The following DIDO1 variants were observed in gnomAD, a reference collection of about 807,000 sequenced individuals.
The protein encoded by DIDO1 is death-inducer obliterator 1.
In DIDO1, 16 loss-of-function variants were observed where a neutral mutation model predicts 99.4. That is an observed-to-expected ratio of 0.16 (90% CI 0.11 to 0.24). The LOEUF is 0.24. Among genes scored for constraint, DIDO1 ranks in the 10% least tolerant of loss-of-function variants. The pLI is 1.00. For synonymous variants in DIDO1, 1,366 were observed against 1,239.1 expected (o/e 1.10, Z -2.15); for missense variants, 2,996 against 3,014.0 (o/e 0.99, Z 0.14).
At chr20:62,899,945 T>C (rs762805350) in intron 6 of DIDO1, among the ~76,000 whole-genome samples, 1 of 152,234 alleles carries the variant, frequency 6.6e-6, no homozygotes, top group African/African-American at 2.4e-5. Flanking sequence ...AGAAACTTTT[T>C]AGTGGAGCTA....
At chr20:62,927,431 T>C (rs1026878787), upstream of DIDO1, among the ~76,000 whole-genome samples, 1 of 152,146 alleles carries the variant, frequency 6.6e-6, no homozygotes, top group African/African-American at 2.4e-5. Context: ...TGTCCCCAGA[T>C]ACTGCAGGAA....
chr20:62,911,247 T>C lies in DIDO1; in HGVS notation c.366A>G (p.Arg122=), dbSNP rs566908959. ...EGSVESASET[R]SGPQSASTAV... is the part of the protein sequence containing the mutation. ...CTGTGGAAGCAGACTGGGGGCCGCT[T>C]CTGGTCTCAGAAGCGCTTTCCACGC... Residue 122 remains arginine, a synonymous_variant, in exon 3 of 16, where the codon AGA becomes AGG. Transcript: ENST00000395343. The surrounding 1 kb of genome is among the most constrained non-coding windows in gnomAD (Gnocchi z 7.0). The C allele has an allele frequency of 6.2e-7, 1 of 1,613,300 alleles. No individual in the cohort carries two copies. The highest frequency in any genetic ancestry group is 1.7e-5 in the Admixed American group (1 of 60,026).
intron 15 of DIDO1, 79 bp from the exon 16 acceptor site, chr20:62,882,493 T>A: frequency 7.4e-7 from 1 of 1,349,974 alleles, no homozygotes; most frequent in Non-Finnish European, 1.0e-6. Context: ...CATTAAGGGC[T>A]TTCACGGGGA....
At chr20:62,909,377 AGACAGCAG>A (rs2064875571) in intron 4 of DIDO1, among the ~76,000 whole-genome samples, 1 of 152,282 alleles carries the variant, frequency 6.6e-6, no homozygotes, top group Non-Finnish European at 1.5e-5. Context: ...AGGCAGCTGG[AGACAGCAG>A]GTGACACAGG....
intron 3 of DIDO1, among the ~76,000 whole-genome samples, 198 bp downstream of exon 3, chr20:62,910,576 G>A (rs904843959): frequency 1.3e-5 from 2 of 152,234 alleles, no homozygotes; most frequent in Non-Finnish European, 2.9e-5. Flanking sequence ...ACAGCCATGT[G>A]TGGCCAGTGG....
At chr20:62,929,692 A>AAAAATATATATATATATATAT, upstream of DIDO1, among the ~76,000 whole-genome samples, 2 of 63,708 alleles carry the variant, frequency 3.1e-5, no homozygotes, top group African/African-American at 7.6e-5. Flanking sequence ...AAAAAGAAAA[A>AAAAATATATATATATATATAT]GTGTATATAT....
chr20:62,879,480 CGGTCGCGGTTGG>C lies in DIDO1; in HGVS notation c.6464_6475del (p.Ala2155_Arg2159delinsGly), dbSNP rs1363643567. The C allele has an allele frequency of 6.3e-7, 1 of 1,584,134 alleles. No individual in the cohort carries two copies. Among genetic ancestry groups the C allele is most frequent in the Non-Finnish European group, 8.5e-7 (1 of 1,172,198 alleles). On this transcript the variant is annotated inframe_deletion, in exon 16 of 16. Transcript: ENST00000395343. This position sits in a 1 kb window ranked among gnomAD's most constrained non-coding sequence, Gnocchi z 6.3. ...CTTGCCCCGGTCGGCCTCGCGCTCT[CGGTCGCGGTTGG>C]CGCTCCTCTCCCGGTTTCTGTCCCA...
chr20:62,910,621 T>A (rs1009279009), intron 3 of DIDO1, among the ~76,000 whole-genome samples, 153 bp downstream of exon 3: 1 of 152,252 alleles, frequency 6.6e-6, no homozygotes, highest in Non-Finnish European at 1.5e-5. Flanking sequence ...AGGAAGTCCT[T>A]AGCCACTCTT....
In DIDO1 at chr20:62,894,791, A is replaced by C. The variant is rs1430352451; in HGVS notation, c.2436+19T>G. ...GATTAGTCTATTCTCGGTGAACACA[A>C]AATCTCCCAAATGCTTACCTCTGAA... On this transcript the variant is annotated intron_variant, in intron 10 of 15. Transcript: ENST00000395343. The surrounding 1 kb of genome is among the most constrained non-coding windows in gnomAD (Gnocchi z 4.4). 1 of 1,601,104 alleles carries C rather than the reference A, an allele frequency of 6.2e-7. No individual in the cohort carries two copies.
In DIDO1 at chr20:62,914,235, A is replaced by G. The variant is rs1184616741; in HGVS notation, c.-28T>C. 6.6e-6 allele frequency: 1 copy of G among 152,202 alleles called. No homozygotes were observed. Among genetic ancestry groups the G allele is most frequent in the Admixed American group, 6.5e-5 (1 of 15,278 alleles). The allele number at this position is 152,202 out of a possible 1,614,324, so 9.4% of individuals were successfully genotyped here. ...CTGCTCCAACACTGAAAGCTTGGAC[A>G]CTTTTCCCTGAAATCCTAAATACAA... On this transcript the variant is annotated 5_prime_UTR_variant, in exon 2 of 16. Coordinates refer to ENST00000395343, the MANE Select transcript of DIDO1 (RefSeq NM_001193369.2).
chr20:62,933,633 G>A (rs775937638), intron 1 of DIDO1, among the ~76,000 whole-genome samples: 5 of 152,224 alleles, frequency 3.3e-5, no homozygotes, highest in Admixed American at 2.0e-4. Flanking sequence ...ACTCTGGGAG[G>A]CTGAGGCAGG....
chr20:62,910,053 G>A (rs192628155), intron 3 of DIDO1, 33 bp from the exon 4 acceptor site: 7 of 1,583,766 alleles, frequency 4.4e-6, no homozygotes, highest in Non-Finnish European at 5.1e-6. Context: ...TTAGCAATGG[G>A]ACGTGAGTGA....
intron 6 of DIDO1, among the ~76,000 whole-genome samples, chr20:62,901,332 TCTCC>T (rs1276413988): frequency 6.6e-6 from 1 of 152,124 alleles, no homozygotes; most frequent in Non-Finnish European, 1.5e-5. Context: ...GGTGTGTAAT[TCTCC>T]CTAAGAAACT....
intron 15 of DIDO1, chr20:62,889,840 A>C: frequency 1.0e-6 from 1 of 985,456 alleles, no homozygotes; most frequent in Non-Finnish European, 1.2e-6. Context: ...CCACGCCAGC[A>C]AATATTTAAC....
At chr20:62,891,321 C>A (rs1040434479) in intron 14 of DIDO1, among the ~76,000 whole-genome samples, 166 bp from the exon 15 acceptor site, 1 of 152,206 alleles carries the variant, frequency 6.6e-6, no homozygotes, top group Non-Finnish European at 1.5e-5. Context: ...GACATGTGAG[C>A]CCAGCAGTGT....
intron 1 of DIDO1, among the ~76,000 whole-genome samples, chr20:62,918,994 C>T (rs76406324): frequency 1.1e-4 from 16 of 152,242 alleles, no homozygotes; most frequent in African/African-American, 3.9e-4. Flanking sequence ...TCCCCAAATG[C>T]GACGTGTTCT....
chr20:62,922,751 AG>A (rs2065179796), intron 1 of DIDO1, among the ~76,000 whole-genome samples: 1 of 152,242 alleles, frequency 6.6e-6, no homozygotes, highest in Non-Finnish European at 1.5e-5. Context: ...TTGGAGAGAA[AG>A]GCCCTCTTAG....
intron 13 of DIDO1, among the ~76,000 whole-genome samples, 187 bp from the exon 14 acceptor site, chr20:62,892,263 G>A (rs749632435): frequency 6.6e-5 from 10 of 152,144 alleles, no homozygotes; most frequent in Non-Finnish European, 7.3e-5. Context: ...AAGGGGGAGT[G>A]ATGCCAACCT....
At chr20:62,897,558 AG>A (rs1323036995) in intron 6 of DIDO1, among the ~76,000 whole-genome samples, 1 of 152,246 alleles carries the variant, frequency 6.6e-6, no homozygotes, top group East Asian at 1.9e-4. Flanking sequence ...CAGGAAGAGC[AG>A]CCACACCTTT....
Sources: gnomAD v4.1 joint callset for allele counts (sites outside exome capture counted in the v4.1 genomes callset) on GRCh38, gnomAD v4.1.1 for gene constraint, Gnocchi (gnomAD v3.1) non-coding constraint, MANE v1.5 for transcripts, NCBI Gene and HGNC (gene_info 2026-07-23, HGNC 2026-07-21) for gene names.